The following MRTFA variants were observed in gnomAD, a reference collection of about 807,000 sequenced individuals.
MRTFA encodes the protein myocardin related transcription factor A.
Under a neutral mutation model 83.5 loss-of-function variants are expected in MRTFA, and 20 were observed. That is an observed-to-expected ratio of 0.24 (90% CI 0.17 to 0.35). The LOEUF (loss-of-function observed/expected upper bound fraction) is 0.35. Ranked by LOEUF, MRTFA falls within the 10% of genes least tolerant of loss-of-function variation. MRTFA has a pLI of 1.00. For synonymous variants in MRTFA, 659 were observed against 541.2 expected, an observed-to-expected ratio of 1.22 and a Z score of -3.02; for missense variants, 1,200 against 1,224.7, an observed-to-expected ratio of 0.98 and a Z score of 0.30.
At chr22:40,592,041 G>A (rs1263066559) in intron 2 of MRTFA, among the ~76,000 whole-genome samples, 1 of 152,056 alleles carries the variant, frequency 6.6e-6, no homozygotes, top group Non-Finnish European at 1.5e-5. Flanking sequence ...CCCAATTACT[G>A]CATGACTGAA....
chr22:40,533,712 A>C, intron 3 of MRTFA: 1 of 896,400 alleles, frequency 1.1e-6, no homozygotes, highest in South Asian at 5.7e-5. Flanking sequence ...CTGTCTTGAA[A>C]GCTTTCACAA....
intron 3 of MRTFA, among the ~76,000 whole-genome samples, chr22:40,518,606 A>G (rs1221057457): frequency 6.6e-6 from 1 of 151,940 alleles, no homozygotes; most frequent in East Asian, 1.9e-4. Flanking sequence ...ATCCTGGCTA[A>G]CAAGGTGAAA....
chr22:40,556,690 C>A (rs759995655), intron 2 of MRTFA, among the ~76,000 whole-genome samples: 2 of 152,178 alleles, frequency 1.3e-5, no homozygotes, highest in Middle Eastern at 3.2e-3. Flanking sequence ...TCAAAGAATT[C>A]TTTTCCATCT....
At chr22:40,417,141 T>TA in intron 13 of MRTFA, 95 bp from the exon 14 acceptor site, 1 of 1,445,700 alleles carries the variant, frequency 6.9e-7, no homozygotes, top group Non-Finnish European at 9.4e-7. Flanking sequence ...TGCCCCAGAA[T>TA]AAGCAGCCAG....
chr22:40,634,748 C>T (rs1205645960), intron 1 of MRTFA, among the ~76,000 whole-genome samples: 2 of 152,184 alleles, frequency 1.3e-5, no homozygotes, highest in African/African-American at 4.8e-5. Flanking sequence ...TAATTACTAA[C>T]GGGTGACCCA....
chr22:40,550,194 TTTTC>T (rs1287198329), intron 3 of MRTFA, among the ~76,000 whole-genome samples: 1 of 152,142 alleles, frequency 6.6e-6, no homozygotes, highest in Non-Finnish European at 1.5e-5. Context: ...TTCTTTTTTT[TTTTC>T]TTTCTACTTT....
chr22:40,438,432 C>A (rs931160137), intron 4 of MRTFA, among the ~76,000 whole-genome samples: 5 of 152,150 alleles, frequency 3.3e-5, no homozygotes, highest in African/African-American at 7.2e-5. Flanking sequence ...ACTGGCTATC[C>A]CCAAAGGGTA....
chr22:40,507,544 C>T (rs1287389754), intron 3 of MRTFA, among the ~76,000 whole-genome samples: 5 of 151,384 alleles, frequency 3.3e-5, no homozygotes, highest in Admixed American at 2.6e-4. Context: ...ATCACTTGAG[C>T]CTGTCAAGGC....
At chr22:40,614,504 T>C (rs754254190) in intron 1 of MRTFA, among the ~76,000 whole-genome samples, 9 of 152,208 alleles carry the variant, frequency 5.9e-5, no homozygotes, top group Non-Finnish European at 1.3e-4. Flanking sequence ...TCTTTTTCTT[T>C]TGAGACGGAG....
At chr22:40,556,673 C>A (rs997919070) in intron 2 of MRTFA, among the ~76,000 whole-genome samples, 1 of 152,134 alleles carries the variant, frequency 6.6e-6, no homozygotes, top group African/African-American at 2.4e-5. Flanking sequence ...AATTCAGAAT[C>A]TAAACTTCAA....
intron 9 of MRTFA, 93 bp downstream of exon 9, chr22:40,423,443 C>T (rs1947632988): frequency 1.7e-6 from 2 of 1,180,152 alleles, no homozygotes; most frequent in African/African-American, 1.6e-5. Context: ...CGCACCACAC[C>T]CTCTACAGCT....
At chr22:40,605,286 A>G (rs2056306866) in intron 1 of MRTFA, among the ~76,000 whole-genome samples, 1 of 152,244 alleles carries the variant, frequency 6.6e-6, no homozygotes, top group Non-Finnish European at 1.5e-5. Flanking sequence ...CAAGCCATCA[A>G]GCAGAAAACC....
At chr22:40,447,084 G>A (rs1308130034) in intron 4 of MRTFA, among the ~76,000 whole-genome samples, 1 of 152,052 alleles carries the variant, frequency 6.6e-6, no homozygotes, top group African/African-American at 2.4e-5. Flanking sequence ...GGCTGGGGGT[G>A]GCAGCTCATG....
At chr22:40,415,750 G>A (rs941511874) in intron 14 of MRTFA, among the ~76,000 whole-genome samples, 7 of 152,052 alleles carry the variant, frequency 4.6e-5, no homozygotes, top group African/African-American at 1.7e-4. Flanking sequence ...CTCCCAGAGA[G>A]CTCTCTACGG....
At chr22:40,476,340 C>G (rs766881637) in intron 3 of MRTFA, among the ~76,000 whole-genome samples, 3 of 152,200 alleles carry the variant, frequency 2.0e-5, no homozygotes, top group Non-Finnish European at 2.9e-5. Flanking sequence ...TGTTCCCTAA[C>G]TTGGTTTGAT....
chr22:40,426,173 G>A (rs2052950215), intron 7 of MRTFA, among the ~76,000 whole-genome samples: 1 of 152,084 alleles, frequency 6.6e-6, no homozygotes, highest in Non-Finnish European at 1.5e-5. Flanking sequence ...CCTCAGAACG[G>A]TCCGCTCCCC....
chr22:40,606,411 CT>C (rs2056319227), intron 1 of MRTFA, among the ~76,000 whole-genome samples: 1 of 152,140 alleles, frequency 6.6e-6, no homozygotes. Context: ...TACTCATGAG[CT>C]TTACATATAT....
chr22:40,491,063 C>A (rs2054264076), intron 3 of MRTFA, among the ~76,000 whole-genome samples: 2 of 152,294 alleles, frequency 1.3e-5, no homozygotes, highest in South Asian at 2.1e-4. Flanking sequence ...ATGAAAGAAG[C>A]CGAGCACGGT....
At chr22:40,457,280 G>A (rs1437103463) in intron 4 of MRTFA, among the ~76,000 whole-genome samples, 1 of 151,916 alleles carries the variant, frequency 6.6e-6, no homozygotes, top group African/African-American at 2.4e-5. Context: ...CAAGAAAATC[G>A]CTTGAACCCA....
Sources: allele counts gnomAD v4.1 joint callset (sites outside exome capture counted in the v4.1 genomes callset), GRCh38; gene constraint gnomAD v4.1.1; transcripts MANE v1.5; gene names NCBI Gene and HGNC (gene_info 2026-07-23, HGNC 2026-07-21).